NCAPG2: variants seen among roughly 807,000 people sequenced by gnomAD.
NCAPG2 encodes the protein non-SMC condensin II complex subunit G2, also known as condensin-2 complex subunit G2.
NCAPG2 carries 53 observed loss-of-function variants against 141.1 expected under a neutral mutation model. That is an observed-to-expected ratio of 0.38 (90% confidence interval 0.30 to 0.47). The LOEUF (loss-of-function observed/expected upper bound fraction) is 0.47, where lower values mean the gene tolerates loss of function less well. Among genes scored for constraint, NCAPG2 ranks in the 20% least tolerant of loss-of-function variants. The pLI, the probability that NCAPG2 is intolerant of heterozygous loss-of-function variation, is 0.99. For missense variants in NCAPG2, 1,087 were observed against 1,389.0 expected (o/e 0.78, Z 3.46); for synonymous variants, 499 against 490.7 (o/e 1.02, Z -0.22).
At chr7:158,635,702 G>A (rs1459886455) in intron 27 of NCAPG2, among the ~76,000 whole-genome samples, 2 of 111,688 alleles carry the variant, frequency 1.8e-5, no homozygotes, top group African/African-American at 3.5e-5. Context: ...ATGAGATGCC[G>A]ATTTTTATTT....
At chr7:158,696,454 A>G (rs1835449666) in intron 2 of NCAPG2, 1 of 152,226 alleles carries the variant, frequency 6.6e-6, no homozygotes, top group Non-Finnish European at 1.5e-5. Flanking sequence ...CCTGATTTTG[A>G]GGATTTTAAT....
chr7:158,650,948 G>A lies in NCAPG2; in HGVS notation c.2959C>T (p.Leu987Phe), dbSNP rs1831445289. The stretch of plus-strand genomic sequence containing the variant: ...TGAACAGCAGTAATGAACTCATGAA[G>A]AGGCCTCTGAACAGAATAAAGCAGC... ...LRLLYSVQRP[L>F]HEFITAVQSR... Residue 987 changes from leucine to phenylalanine, a missense_variant, in exon 24 of 28, where the codon CTT becomes TTT. By Grantham distance (22) the Leu-to-Phe change is conservative. Coordinates refer to ENST00000356309, the MANE Select transcript of NCAPG2 (RefSeq NM_017760.7). 6.2e-7 allele frequency: 1 copy of A among 1,612,484 alleles called. No individual in the cohort carries two copies. Among genetic ancestry groups the A allele is most frequent in the African/African-American group, 1.3e-5 (1 of 74,784 alleles).
At chr7:158,658,773 A>G (rs1832227791) in intron 16 of NCAPG2, among the ~76,000 whole-genome samples, 1 of 152,242 alleles carries the variant, frequency 6.6e-6, no homozygotes, top group Admixed American at 6.5e-5. Context: ...AATGAAAAAA[A>G]ATTAACTCTA....
chr7:158,651,037 A>C, intron 23 of NCAPG2, 65 bp from the exon 24 acceptor site: 1 of 1,469,084 alleles, frequency 6.8e-7, no homozygotes, highest in Non-Finnish European at 9.1e-7. Context: ...AAACAAAAAA[A>C]CACTTTAAAA....
chr7:158,666,354 C>T (rs1249198541), intron 13 of NCAPG2, among the ~76,000 whole-genome samples: 2 of 152,100 alleles, frequency 1.3e-5, no homozygotes, highest in African/African-American at 2.4e-5. Flanking sequence ...GAACACTGCA[C>T]CAGCGGGCCT....
intron 7 of NCAPG2, among the ~76,000 whole-genome samples, chr7:158,687,036 A>G (rs1159299635): frequency 1.4e-4 from 22 of 152,172 alleles, no homozygotes. Flanking sequence ...GCCACGTTCA[A>G]CCAAAAAGCA....
chr7:158,670,722 C>G (rs554371307), intron 13 of NCAPG2, among the ~76,000 whole-genome samples: 2 of 152,184 alleles, frequency 1.3e-5, no homozygotes, highest in Non-Finnish European at 2.9e-5. Context: ...ATCTTAGAGG[C>G]CTTTCCAAGG....
Position 158,664,283 on chromosome 7 carries a change from G to A in NCAPG2, c.1716C>T (p.His572=), listed in dbSNP as rs201710318. The change falls in exon 15 of 28, where the codon CAC becomes CAT. Residue 572 remains histidine, a synonymous_variant. Coordinates refer to ENST00000356309, the MANE Select transcript of NCAPG2 (RefSeq NM_017760.7). ...AGGCATTTAAGCAATGACGAATAAC[G>A]TGAATCAGCTTTGCTGAAATGTTTA... ...TACTNIAKLI[H]VIRHCLNACI... The A allele has an allele frequency of 3.9e-5, 63 of 1,612,656 alleles. No individual in the cohort carries two copies. The highest frequency in any genetic ancestry group is 3.5e-4 in the Admixed American group (21 of 60,004).
At position 158,674,246 on chromosome 7, in the gene NCAPG2, A is replaced by G. The variant is rs1035068143; in HGVS notation, c.1326+1231T>C. The stretch of plus-strand genomic sequence containing the variant: ...ATGCTTACAAACCTATAGGAAGGAC[A>G]CTGCTGAGAGGGAGAGGTTGAATAT... On this transcript the variant is annotated intron_variant, in intron 12 of 27. Coordinates refer to ENST00000356309, the MANE Select transcript of NCAPG2 (RefSeq NM_017760.7). Among the ~76,000 whole-genome samples the G allele has an allele frequency of 5.3e-5, 8 of 151,708 alleles. No individual in the cohort carries two copies. The East Asian group carries it at 1.6e-3, about 30-fold the overall frequency.
intron 25 of NCAPG2, among the ~76,000 whole-genome samples, chr7:158,646,085 C>G (rs944360544): frequency 1.3e-5 from 2 of 152,164 alleles, no homozygotes. Context: ...AAATGAGTAG[C>G]AGCTGCGTAT....
At chr7:158,698,744 G>A (rs1404880943) in intron 2 of NCAPG2, among the ~76,000 whole-genome samples, 4 of 151,150 alleles carry the variant, frequency 2.6e-5, no homozygotes, top group Non-Finnish European at 4.4e-5. Context: ...CCACTCCATC[G>A]TTCCCAACTT....
chr7:158,690,422 G>C (rs1835044088), intron 5 of NCAPG2, 146 bp downstream of exon 5: 1 of 705,528 alleles, frequency 1.4e-6, no homozygotes, highest in African/African-American at 1.8e-5. Context: ...GTGCACTCCT[G>C]AAGTCTCAGC....
intron 1 of NCAPG2, chr7:158,702,211 C>T (rs927699904): frequency 1.3e-5 from 3 of 238,128 alleles, no homozygotes; most frequent in Non-Finnish European, 2.4e-5. Context: ...TCCAAATAGC[C>T]TTAGGAAGCT....
rs544992496 is a variant in NCAPG2 at position 158,702,786 on chromosome 7, T to C, written c.-39-848A>G. Reference sequence around the variant, plus strand: ...ATAATACTAGATTTTAATGTCCAAATTGAACAAAGCAAAAATAACCTCAGT... The same window carrying C: ...ATAATACTAGATTTTAATGTCCAAACTGAACAAAGCAAAAATAACCTCAGT... On this transcript the variant is annotated intron_variant, in intron 1 of 27. Coordinates refer to ENST00000356309, the MANE Select transcript of NCAPG2 (RefSeq NM_017760.7). Among the ~76,000 whole-genome samples, 23 of 152,272 alleles carry C rather than the reference T, an allele frequency of 1.5e-4. No individual in the cohort carries two copies. In the East Asian group the frequency reaches 3.7e-3, roughly 24 times the overall value.
chr7:158,640,750 T>G (rs2129456573), intron 27 of NCAPG2: 1 of 152,138 alleles, frequency 6.6e-6, no homozygotes, highest in East Asian at 1.9e-4. Flanking sequence ...AGGTCAGAAT[T>G]TGGATCAACA....
intron 24 of NCAPG2, among the ~76,000 whole-genome samples, chr7:158,648,576 C>G (rs1587092780): frequency 8.2e-6 from 1 of 121,882 alleles, no homozygotes; most frequent in South Asian, 2.8e-4. Flanking sequence ...GCCAAATGGA[C>G]GACAACCACG....
At chr7:158,663,503 A>C (rs1587160873) in intron 15 of NCAPG2, among the ~76,000 whole-genome samples, 1 of 152,186 alleles carries the variant, frequency 6.6e-6, no homozygotes. Flanking sequence ...ATGGGGCATG[A>C]GCAGGGCCTG....
intron 27 of NCAPG2, chr7:158,641,442 C>G: frequency 1.7e-6 from 1 of 596,076 alleles, no homozygotes. Flanking sequence ...TTAGCTGGGT[C>G]TGGTGGTGTG....
chr7:158,685,725 C>T (rs1161465220), intron 8 of NCAPG2, among the ~76,000 whole-genome samples: 1 of 152,186 alleles, frequency 6.6e-6, no homozygotes, highest in African/African-American at 2.4e-5. Context: ...TTGATTGAAT[C>T]CATGGATGCG....
Sources: allele counts gnomAD v4.1 joint callset (sites outside exome capture counted in the v4.1 genomes callset), GRCh38; gene constraint gnomAD v4.1.1; transcripts MANE v1.5; gene names NCBI Gene and HGNC (gene_info 2026-07-23, HGNC 2026-07-21).